Variants in ROBO2 observed in about 807,000 individuals in gnomAD.
ROBO2 encodes roundabout homolog 2.
A neutral mutation model predicts 160.8 loss-of-function variants in ROBO2; 53 were observed. The observed-to-expected ratio is 0.33, with a 90% CI of 0.26 to 0.41. The LOEUF (loss-of-function observed/expected upper bound fraction) is 0.41, where lower values mean the gene tolerates loss of function less well. ROBO2 is among the 10% of genes least tolerant of loss of function. The pLI is 1.00. For synonymous variants in ROBO2, 664 were observed against 611.7 expected (o/e 1.09, Z -1.26); for missense variants, 1,577 against 1,722.4 (o/e 0.92, Z 1.49).
At chr3:77,122,843 T>C (rs967442218) in intron 2 of ROBO2, among the ~76,000 whole-genome samples, 1 of 152,192 alleles carries the variant, frequency 6.6e-6, no homozygotes, top group Non-Finnish European at 1.5e-5. Flanking sequence ...AAATTGAAAG[T>C]GAATACACTG....
intron 2 of ROBO2, among the ~76,000 whole-genome samples, chr3:76,105,438 AT>A (rs1429782363): frequency 6.6e-6 from 1 of 152,162 alleles, no homozygotes; most frequent in African/African-American, 2.4e-5. Context: ...CTTGTAGCAT[AT>A]TATTCTCAAG....
chr3:77,596,545 G>T, intron 18 of ROBO2, 78 bp from the exon 20 acceptor site: 1 of 1,556,846 alleles, frequency 6.4e-7, no homozygotes, highest in Non-Finnish European at 8.9e-7. Flanking sequence ...ATTTCTTAAC[G>T]CTTTATATTG....
At chr3:76,043,212 A>G (rs577672513) in intron 2 of ROBO2, among the ~76,000 whole-genome samples, 1 of 150,802 alleles carries the variant, frequency 6.6e-6, no homozygotes, top group Admixed American at 6.6e-5. Context: ...CCATTAACGA[A>G]CATCCCTTAC....
intron 2 of ROBO2, among the ~76,000 whole-genome samples, chr3:76,644,523 C>T (rs1030820400): frequency 1.3e-5 from 2 of 152,134 alleles, no homozygotes; most frequent in Non-Finnish European, 2.9e-5. Flanking sequence ...ACTCACAAAG[C>T]ATCACCAGCT....
At chr3:77,453,333 C>G (rs1239486972) in intron 2 of ROBO2, among the ~76,000 whole-genome samples, 3 of 151,820 alleles carry the variant, frequency 2.0e-5, no homozygotes, top group Non-Finnish European at 4.4e-5. Context: ...CTCCAAATGC[C>G]CATCTACTTG....
At chr3:76,381,334 CTATTAT>C (rs1002552523) in intron 2 of ROBO2, among the ~76,000 whole-genome samples, 13 of 151,634 alleles carry the variant, frequency 8.6e-5, no homozygotes, top group African/African-American at 3.2e-4. Context: ...AGAATGTTCA[CTATTAT>C]TATTATTTTA....
intron 2 of ROBO2, among the ~76,000 whole-genome samples, chr3:75,974,323 A>T (rs1287342506): frequency 6.6e-6 from 1 of 151,648 alleles, no homozygotes; most frequent in African/African-American, 2.4e-5. Context: ...GATAAGTATT[A>T]ATTTTTTGTT....
chr3:77,032,451 T>A (rs1444564715), intron 2 of ROBO2, among the ~76,000 whole-genome samples: 1 of 152,200 alleles, frequency 6.6e-6, no homozygotes, highest in Non-Finnish European at 1.5e-5. Flanking sequence ...CATATAGTAA[T>A]TGTTTTAAAA....
intron 7 of ROBO2, among the ~76,000 whole-genome samples, chr3:77,547,386 C>A (rs2092738537): frequency 6.6e-6 from 1 of 152,046 alleles, no homozygotes; most frequent in Non-Finnish European, 1.5e-5. Flanking sequence ...TCATCACATT[C>A]TGTTATTACT....
At chr3:77,277,857 G>A (rs748211854) in intron 2 of ROBO2, among the ~76,000 whole-genome samples, 1 of 152,078 alleles carries the variant, frequency 6.6e-6, no homozygotes, top group African/African-American at 2.4e-5. Flanking sequence ...TGTCTTTCTG[G>A]TTCTAGATCC....
chr3:76,390,188 C>A (rs1048477312), intron 2 of ROBO2, among the ~76,000 whole-genome samples: 3 of 152,044 alleles, frequency 2.0e-5, no homozygotes, highest in Non-Finnish European at 2.9e-5. Context: ...CACACCCTCC[C>A]CCACAAAAAG....
At chr3:77,556,937 T>G (rs1215321604) in intron 8 of ROBO2, among the ~76,000 whole-genome samples, 1 of 151,902 alleles carries the variant, frequency 6.6e-6, no homozygotes, top group Non-Finnish European at 1.5e-5. Context: ...AAGACTTCCC[T>G]GGACCTGGAC....
chr3:77,319,003 C>T (rs1046300174), intron 2 of ROBO2, among the ~76,000 whole-genome samples: 1 of 152,114 alleles, frequency 6.6e-6, no homozygotes, highest in Admixed American at 6.6e-5. Flanking sequence ...CTGGCAGATC[C>T]GTCTTCTAGA....
rs182025657 is a variant in ROBO2, at chr3:76,598,575, A to G, written c.110-499439A>G. Among the ~76,000 whole-genome samples the G allele has an allele frequency of 3.9e-5, 6 of 152,304 alleles. No homozygotes were observed. In the East Asian group the frequency reaches 1.2e-3, roughly 29 times the overall value. On this transcript the variant is annotated intron_variant, in intron 2 of 26. Coordinates refer to the ROBO2 transcript ENST00000487694. Reference sequence around the variant, plus strand: ...TGGGGGAATGGGCAAAGGGGTACACATTAACTCTCTGTATTAGTTCTTAAA... The same window carrying G: ...TGGGGGAATGGGCAAAGGGGTACACGTTAACTCTCTGTATTAGTTCTTAAA...
At position 76,117,069 on chromosome 3, in the gene ROBO2, TA is replaced by T. The variant is rs757222928; in HGVS notation, c.109+179468del. ...ATCATAAAGTTTGATAATAATTGGC[TA>T]TTAGCCAAGACACTTTTTAAAACAT... On this transcript the variant is annotated intron_variant, in intron 2 of 26. Coordinates refer to the ROBO2 transcript ENST00000487694. Among the ~76,000 whole-genome samples, 16 of 152,322 alleles carry T rather than the reference TA, an allele frequency of 1.1e-4. No individual in the cohort carries two copies. In the South Asian group the frequency reaches 1.7e-3, roughly 16 times the overall value.
intron 1 of ROBO2, among the ~76,000 whole-genome samples, chr3:77,060,207 G>C (rs2066160730): frequency 6.6e-6 from 1 of 152,120 alleles, no homozygotes; most frequent in Admixed American, 6.5e-5. Context: ...TGAACTCCTG[G>C]AGTCATGCAC....
intron 1 of ROBO2, among the ~76,000 whole-genome samples, chr3:75,931,157 T>C (rs1273114163): frequency 6.6e-6 from 1 of 152,198 alleles, no homozygotes; most frequent in Non-Finnish European, 1.5e-5. Context: ...TTTTATTTCA[T>C]CCAATTCACA....
intron 2 of ROBO2, among the ~76,000 whole-genome samples, chr3:76,023,725 G>A (rs1269517617): frequency 6.6e-6 from 1 of 151,494 alleles, no homozygotes; most frequent in Non-Finnish European, 1.5e-5. Context: ...CTGAAATATT[G>A]TGAGAATTAC....
intron 2 of ROBO2, among the ~76,000 whole-genome samples, chr3:76,437,248 A>G (rs777251664): frequency 1.2e-4 from 18 of 152,320 alleles, no homozygotes; most frequent in Non-Finnish European, 2.4e-4. Context: ...CATTTTATAT[A>G]AAGGAATCAC....
Sources: gnomAD v4.1 joint callset for allele counts (sites outside exome capture counted in the v4.1 genomes callset) on GRCh38, gnomAD v4.1.1 for gene constraint, MANE v1.5 for transcripts, NCBI Gene and HGNC (gene_info 2026-07-23, HGNC 2026-07-21) for gene names.